UBR3: variants seen among roughly 807,000 people sequenced by gnomAD.
UBR3 encodes the protein ubiquitin protein ligase E3 component n-recognin 3, also known as E3 ubiquitin-protein ligase UBR3.
Under a neutral mutation model 243.2 loss-of-function variants are expected in UBR3, and 85 were observed. That is an observed-to-expected ratio of 0.35 (90% confidence interval 0.29 to 0.42). UBR3 has a LOEUF of 0.42. Among genes scored for constraint, UBR3 ranks in the 10% least tolerant of loss-of-function variants. UBR3 has a pLI of 1.00. For missense variants in UBR3, 1,686 were observed against 2,300.8 expected (o/e 0.73, Z 5.47); for synonymous variants, 748 against 799.8 (o/e 0.94, Z 1.09).
chr2:170,053,421 CA>C (rs2091266758), intron 32 of UBR3, among the ~76,000 whole-genome samples: 1 of 152,204 alleles, frequency 6.6e-6, no homozygotes, highest in Admixed American at 6.5e-5. Flanking sequence ...GGGAGTTTAG[CA>C]CATCCTGTGT....
At chr2:170,055,332 CA>C in intron 32 of UBR3, 127 bp from the exon 33 acceptor site, 2 of 1,115,654 alleles carry the variant, frequency 1.8e-6, no homozygotes, top group Non-Finnish European at 1.3e-6. Flanking sequence ...CAAAAACAAA[CA>C]AAAAAACTAT....
intron 24 of UBR3, among the ~76,000 whole-genome samples, chr2:169,968,739 A>G (rs1020342271): frequency 3.3e-5 from 5 of 152,042 alleles, no homozygotes; most frequent in African/African-American, 4.8e-5. Context: ...TGGTAGATCT[A>G]TTTTTACTTT....
chr2:169,997,650 C>T (rs892767676), intron 26 of UBR3, among the ~76,000 whole-genome samples: 1 of 151,968 alleles, frequency 6.6e-6, no homozygotes, highest in Non-Finnish European at 1.5e-5. Context: ...TGTCCCACAA[C>T]CAAGAAGAAT....
intron 1 of UBR3, among the ~76,000 whole-genome samples, chr2:169,836,650 C>A (rs78813512): frequency 0.045 from 6,701 of 149,804 alleles, 222 homozygotes; most frequent in East Asian, 0.13. Flanking sequence ...AAAAAAAAAA[C>A]CAAAAGACAC....
intron 32 of UBR3, among the ~76,000 whole-genome samples, chr2:170,050,489 C>T (rs538536415): frequency 1.3e-5 from 2 of 152,284 alleles, no homozygotes; most frequent in African/African-American, 4.8e-5. Context: ...TTTAGATATA[C>T]TCTACCTTGT....
At position 169,831,943 on chromosome 2, in the gene UBR3, C is replaced by G. The variant is rs144007514; in HGVS notation, c.545+3891C>G. 1.3e-4 allele frequency among the ~76,000 whole-genome samples: 19 copies of G among 151,934 alleles called. No individual in the cohort carries two copies. In the East Asian group the frequency reaches 3.7e-3, roughly 29 times the overall value. Reference sequence around the variant, plus strand: ...TTTTAGAGGAAGGATTCCTTTTTTTCAGCTGTATTTGTGCTCTTAGTAAAT... The same window carrying G: ...TTTTAGAGGAAGGATTCCTTTTTTTGAGCTGTATTTGTGCTCTTAGTAAAT... On this transcript the variant is annotated intron_variant, in intron 1 of 38. Transcript: ENST00000272793.
At chr2:170,064,224 T>G (rs1405899697) in intron 35 of UBR3, among the ~76,000 whole-genome samples, 1 of 152,232 alleles carries the variant, frequency 6.6e-6, no homozygotes, top group Admixed American at 6.5e-5. Flanking sequence ...TTTTTAAGCA[T>G]AGTAGATATC....
chr2:170,008,056 T>G (rs774550401), intron 28 of UBR3, among the ~76,000 whole-genome samples: 5 of 152,174 alleles, frequency 3.3e-5, no homozygotes, highest in Admixed American at 1.3e-4. Context: ...ATTCGAGAGA[T>G]AAAATATTGT....
At chr2:169,879,822 A>C (rs545524980) in intron 5 of UBR3, among the ~76,000 whole-genome samples, 5 of 152,200 alleles carry the variant, frequency 3.3e-5, no homozygotes, top group Middle Eastern at 3.2e-3. Flanking sequence ...TTTTGTAACA[A>C]AATAACTTCT....
chr2:169,894,775 T>A (rs1166732459), intron 6 of UBR3, among the ~76,000 whole-genome samples: 4 of 152,164 alleles, frequency 2.6e-5, no homozygotes, highest in Non-Finnish European at 4.4e-5. Flanking sequence ...GACCTGAGGA[T>A]TTTGATGCGT....
At chr2:169,856,239 G>A (rs558413623) in intron 1 of UBR3, among the ~76,000 whole-genome samples, 252 of 151,058 alleles carry the variant, frequency 1.7e-3, no homozygotes, top group African/African-American at 5.8e-3. Flanking sequence ...CAGATGGGGC[G>A]GCGGGGCAGA....
chr2:170,079,684 G>A, intron 36 of UBR3, 130 bp from the exon 37 acceptor site: 1 of 716,828 alleles, frequency 1.4e-6, no homozygotes, highest in Non-Finnish European at 2.2e-6. Context: ...AATGAGAGGA[G>A]TGTTAATAAA....
In UBR3 at chr2:170,001,173, T is replaced by C. The variant is rs1052148519; in HGVS notation, c.3919-131T>C. 9.8e-5 allele frequency: 62 copies of C among 633,518 alleles called. 1 individual carries two copies. The highest frequency in any genetic ancestry group is 4.5e-4 in the South Asian group (20 of 43,976). The allele number at this position is 633,518 out of a possible 1,614,324, so 39.2% of individuals were successfully genotyped here. Reference sequence around the variant, plus strand: ...CTATCTAGTCAGGCATTAATTGATATCACAAGAATAGAAACTCCACATTAA... The same window carrying C: ...CTATCTAGTCAGGCATTAATTGATACCACAAGAATAGAAACTCCACATTAA... On this transcript the variant is annotated intron_variant, in intron 26 of 38. Transcript: ENST00000272793.
Position 170,006,962 on chromosome 2 carries a change from G to A in UBR3, c.4030-28G>A, listed in dbSNP as rs374773200. ...TGTTTTCTATGAATGTGTATATCAC[G>A]CATCTGTATGTTTATTTCGTCTTTT... is the stretch of plus-strand genomic sequence containing the variant. On this transcript the variant is annotated intron_variant, in intron 27 of 38. Coordinates refer to ENST00000272793, the MANE Select transcript of UBR3 (RefSeq NM_172070.4). 11 of 1,601,000 alleles carry A rather than the reference G, an allele frequency of 6.9e-6. No individual in the cohort carries two copies. The Admixed American group carries it at 1.4e-4, about 20-fold the overall frequency.
intron 35 of UBR3, among the ~76,000 whole-genome samples, chr2:170,069,246 G>A (rs6761682): frequency 0.87 from 132,487 of 152,118 alleles, 58,397 homozygotes; most frequent in East Asian, 0.99. Flanking sequence ...AGAAAGGATA[G>A]TACACTATAA....
intron 4 of UBR3, 150 bp from the exon 5 acceptor site, chr2:169,878,375 A>AT: frequency 1.4e-6 from 1 of 721,116 alleles, no homozygotes; most frequent in Non-Finnish European, 2.2e-6. Flanking sequence ...AAAAAAAAAA[A>AT]AAGTTGGACT....
chr2:170,022,816 G>A (rs1036890474), intron 30 of UBR3, among the ~76,000 whole-genome samples: 4 of 152,160 alleles, frequency 2.6e-5, no homozygotes, highest in Non-Finnish European at 5.9e-5. Context: ...GGGATAGGGA[G>A]AGATGAGTCA....
At chr2:169,855,774 G>A (rs559980007) in intron 1 of UBR3, among the ~76,000 whole-genome samples, 47 of 152,314 alleles carry the variant, frequency 3.1e-4, no homozygotes, top group Non-Finnish European at 6.2e-4. Flanking sequence ...GTAACAATCC[G>A]ATCTCTCTTT....
At chr2:170,017,141 A>C (rs1372326293) in intron 30 of UBR3, among the ~76,000 whole-genome samples, 1 of 151,782 alleles carries the variant, frequency 6.6e-6, no homozygotes, top group Non-Finnish European at 1.5e-5. Flanking sequence ...ATGATGATTC[A>C]TGGGATCTCA....
Sources: allele counts gnomAD v4.1 joint callset (sites outside exome capture counted in the v4.1 genomes callset), GRCh38; gene constraint gnomAD v4.1.1; transcripts MANE v1.5; gene names NCBI Gene and HGNC (gene_info 2026-07-23, HGNC 2026-07-21).